Variants in UTP25 observed in about 807,000 individuals in gnomAD.
The protein encoded by UTP25 is U3 small nucleolar RNA-associated protein 25 homolog.
Under a neutral mutation model 78.9 loss-of-function variants are expected in UTP25, and 50 were observed. That is an observed-to-expected ratio of 0.63 (90% confidence interval 0.50 to 0.80). The LOEUF (loss-of-function observed/expected upper bound fraction) is 0.80, where lower values mean the gene tolerates loss of function less well. Among genes scored for constraint, UTP25 ranks in the 30% least tolerant of loss-of-function variants. The pLI, the probability that UTP25 is intolerant of heterozygous loss-of-function variation, is 0.00. For synonymous variants in UTP25, 329 were observed against 336.5 expected, an observed-to-expected ratio of 0.98 and a Z score of 0.24; for missense variants, 846 against 911.3, an observed-to-expected ratio of 0.93 and a Z score of 0.92.
chr1:209,834,361 G>T (rs2078120233), intron 4 of UTP25, among the ~76,000 whole-genome samples: 1 of 152,190 alleles, frequency 6.6e-6, no homozygotes, highest in Non-Finnish European at 1.5e-5. Flanking sequence ...TGGGAGAGAA[G>T]GTTGGGTGGC....
At chr1:209,840,763 C>A in intron 7 of UTP25, 90 bp from the exon 8 acceptor site, 1 of 1,211,290 alleles carries the variant, frequency 8.3e-7, no homozygotes. Flanking sequence ...GATGTGGAAG[C>A]AATAGAAGTG....
intron 3 of UTP25, among the ~76,000 whole-genome samples, chr1:209,831,664 C>T (rs2078104005): frequency 6.6e-6 from 1 of 152,158 alleles, no homozygotes; most frequent in South Asian, 2.1e-4. Flanking sequence ...ACATCCAAAT[C>T]AAGATACAGA....
chr1:209,830,051 T>C lies in UTP25; in HGVS notation c.108-57T>C, dbSNP rs2102566763. The stretch of plus-strand genomic sequence containing the variant: ...TTTTCATTTAACATCTCATTTGACC[T>C]TTTCCTAATTTCTACATACTAGTAG... On this transcript the variant is annotated intron_variant, in intron 1 of 11. Transcript: ENST00000491415. The C allele has an allele frequency of 2.7e-6, 4 of 1,477,004 alleles. No homozygotes were observed. The East Asian group carries it at 9.1e-5, about 34-fold the overall frequency. 91.5% of individuals were successfully genotyped at this position (1,477,004 alleles called of 1,614,324 possible). A position where few individuals can be genotyped will look rare whatever the true frequency, so the allele number is the denominator to read the frequency against.
intron 7 of UTP25, among the ~76,000 whole-genome samples, chr1:209,840,229 CA>C (rs1267953925): frequency 6.6e-6 from 1 of 152,176 alleles, no homozygotes; most frequent in Non-Finnish European, 1.5e-5. Context: ...GTGAAGGTGA[CA>C]TTAAAGCCAT....
chr1:209,846,372 C>G (rs2078196883), intron 11 of UTP25, among the ~76,000 whole-genome samples: 1 of 152,118 alleles, frequency 6.6e-6, no homozygotes, highest in Non-Finnish European at 1.5e-5. Flanking sequence ...GGTCACAGCT[C>G]TTTTCCAGTG....
chr1:209,842,727 A>C, intron 10 of UTP25, 32 bp downstream of exon 10: 1 of 1,520,358 alleles, frequency 6.6e-7, no homozygotes, highest in African/African-American at 1.4e-5. Context: ...GCCCCTGGGG[A>C]CCACATAGAG....
intron 11 of UTP25, among the ~76,000 whole-genome samples, chr1:209,849,505 G>T (rs1001503288): frequency 6.6e-6 from 1 of 151,982 alleles, no homozygotes; most frequent in African/African-American, 2.4e-5. Flanking sequence ...GCCTGCCTGC[G>T]ATTAGGGGTG....
rs1254701296 is a variant in UTP25 at position 209,837,150 on chromosome 1, G to A, written c.1001G>A (p.Ser334Asn). 2 of 1,614,010 alleles carry A rather than the reference G, an allele frequency of 1.2e-6. No individual in the cohort carries two copies. Among genetic ancestry groups the A allele is most frequent in the East Asian group, 4.5e-5 (2 of 44,886 alleles). Residue 334 changes from serine (S) to asparagine (N), a missense_variant, in exon 6 of 12, where the codon AGC becomes AAC. Physicochemically the swap from Ser to Asn is conservative, Grantham distance 46. Transcript: ENST00000491415. ...QVLGNNSRRR[S>N]QKFGVGDDDD... ...CTTGGCAACAATAGCAGACGCCGAA[G>A]CCAGAAGTTTGGAGTGGGTGATGAT...
chr1:209,854,851 G>T lies in UTP25; in HGVS notation c.*3404G>T, dbSNP rs1255005236. The stretch of plus-strand genomic sequence containing the variant: ...TGGCTCTTTTCAGGGCACGGCTTCT[G>T]AGGAGCGTGGGGCCACCACAGCTAG... On this transcript the variant is annotated 3_prime_UTR_variant, in exon 12 of 12. Coordinates refer to ENST00000491415, the MANE Select transcript of UTP25 (RefSeq NM_014388.7). The T allele has an allele frequency of 6.6e-6, 1 of 152,234 alleles. No homozygotes were observed. Among genetic ancestry groups the T allele is most frequent in the Non-Finnish European group, 1.5e-5 (1 of 68,072 alleles). The allele number at this position is 152,234 out of a possible 1,614,324, so 9.4% of individuals were successfully genotyped here.
Position 209,851,674 on chromosome 1 carries a change from G to A in UTP25, c.*227G>A, listed in dbSNP as rs1399959609. On this transcript the variant is annotated 3_prime_UTR_variant, in exon 12 of 12. Transcript: ENST00000491415. ...TCTTTCAGAAGTGAAGAGGGGGCTA[G>A]AAGGACTCTGAGAAGTTGGTAGAAG... 2.5e-6 allele frequency: 1 copy of A among 406,124 alleles called. No individual in the cohort carries two copies. The highest frequency in any genetic ancestry group is 2.0e-5 in the African/African-American group (1 of 49,264). 25.2% of individuals were successfully genotyped at this position (406,124 alleles called of 1,614,324 possible). A position where few individuals can be genotyped will look rare whatever the true frequency, so the allele number is the denominator to read the frequency against.
At chr1:209,829,674 C>G (rs2078092192) in intron 1 of UTP25, among the ~76,000 whole-genome samples, 1 of 151,802 alleles carries the variant, frequency 6.6e-6, no homozygotes, top group Admixed American at 6.6e-5. Context: ...TTTGTAGAGA[C>G]AGGGTCTCCG....
chr1:209,832,330 C>T lies in UTP25; in HGVS notation c.389-855C>T, dbSNP rs188601376. 3.0e-3 allele frequency among the ~76,000 whole-genome samples: 449 copies of T among 152,154 alleles called. 5 individuals carry two copies. Among genetic ancestry groups the T allele is most frequent in the Non-Finnish European group, 2.4e-3 (162 of 68,020 alleles). On this transcript the variant is annotated intron_variant, in intron 3 of 11. Coordinates refer to ENST00000491415, the MANE Select transcript of UTP25 (RefSeq NM_014388.7). ...TGTGTATCTGTATAATGGCCTTATA[C>T]ATTTCCGTAACTTCCTACATCTGTG...
intron 2 of UTP25, 127 bp from the exon 3 acceptor site, chr1:209,830,676 C>G (rs1571998936): frequency 1.4e-6 from 2 of 1,423,564 alleles, no homozygotes; most frequent in Non-Finnish European, 1.9e-6. Context: ...AGAATCATAG[C>G]TAGATTAGCA....
At chr1:209,842,212 A>G in intron 8 of UTP25, 53 bp from the exon 9 acceptor site, 1 of 1,489,028 alleles carries the variant, frequency 6.7e-7, no homozygotes, top group Non-Finnish European at 9.0e-7. Context: ...AGCAATGTCC[A>G]ACATGTAAAT....
chr1:209,841,997 A>T (rs2078169590), intron 8 of UTP25, among the ~76,000 whole-genome samples: 1 of 152,148 alleles, frequency 6.6e-6, no homozygotes, highest in African/African-American at 2.4e-5. Context: ...CCAGTGTGGC[A>T]TTTCAGAAGT....
In UTP25 at chr1:209,830,878, C is replaced by T. The variant is rs2078099407; in HGVS notation, c.223C>T (p.Leu75=). Residue 75 remains leucine (L), a synonymous_variant, in exon 3 of 12, where the codon CTA becomes TTA. Coordinates refer to ENST00000491415, the MANE Select transcript of UTP25 (RefSeq NM_014388.7). ...ACAACAAGTTTCTGGCTACCACAGA[C>T]TACTTGCTACATTAAAGAATGTTTC... is the stretch of plus-strand genomic sequence containing the variant. The part of the protein sequence containing the change: ...EPQQVSGYHR[L]LATLKNVSEE... The T allele has an allele frequency of 5.6e-6, 9 of 1,614,040 alleles. No individual in the cohort carries two copies. The highest frequency in any genetic ancestry group is 5.9e-6 in the Non-Finnish European group (7 of 1,179,956).
chr1:209,848,994 T>G (rs980023787), intron 11 of UTP25, among the ~76,000 whole-genome samples: 7 of 145,210 alleles, frequency 4.8e-5, no homozygotes, highest in Non-Finnish European at 9.2e-5. Context: ...TCTCGGGTGC[T>G]GGAGGGTTTT....
At chr1:209,842,172 T>C in intron 8 of UTP25, 93 bp from the exon 9 acceptor site, 1 of 1,293,362 alleles carries the variant, frequency 7.7e-7, no homozygotes, top group South Asian at 1.3e-5. Context: ...GAGATGATAG[T>C]ACATGAGTTG....
intron 6 of UTP25, among the ~76,000 whole-genome samples, chr1:209,837,591 T>C (rs776955226): frequency 7.2e-5 from 11 of 152,222 alleles, no homozygotes; most frequent in Admixed American, 1.3e-4. Context: ...CCCAAATTCG[T>C]AGAAATTCAT....
Sources: allele counts gnomAD v4.1 joint callset (sites outside exome capture counted in the v4.1 genomes callset), GRCh38; gene constraint gnomAD v4.1.1; transcripts MANE v1.5; gene names NCBI Gene and HGNC (gene_info 2026-07-23, HGNC 2026-07-21).